Variants in ADAM32 observed in about 807,000 individuals in gnomAD.
ADAM32 encodes the protein ADAM metallopeptidase domain 32, also known as disintegrin and metalloproteinase domain-containing protein 32.
ADAM32 carries 89 observed loss-of-function variants against 114.9 expected under a neutral mutation model. That is an observed-to-expected ratio of 0.77 (90% CI 0.65 to 0.92). The LOEUF is 0.92. ADAM32 is among the 40% of genes least tolerant of loss of function. The pLI is 0.00. For synonymous variants in ADAM32, 285 were observed against 307.5 expected (o/e 0.93, Z 0.77); for missense variants, 870 against 932.8 (o/e 0.93, Z 0.88).
At chr8:39,204,128 AG>A (rs1413200578) in intron 11 of ADAM32, among the ~76,000 whole-genome samples, 3 of 152,122 alleles carry the variant, frequency 2.0e-5, no homozygotes, top group African/African-American at 7.2e-5. Context: ...GCTGTTCTCA[AG>A]GAGTATCTGT....
At position 39,225,024 on chromosome 8, in the gene ADAM32, G is replaced by A. The variant is rs114664142; in HGVS notation, c.1525+1786G>A. On this transcript the variant is annotated intron_variant, in intron 14 of 24. Coordinates refer to ENST00000379907, the MANE Select transcript of ADAM32 (RefSeq NM_145004.7). ...AGTGGCCTCTGCAGAGGACAGAGGC[G>A]TCTTTTATCACTGAGGTAACCAACA... Among the ~76,000 whole-genome samples the A allele has an allele frequency of 3.4e-3, 521 of 152,256 alleles. 5 individuals carry two copies. The highest frequency in any genetic ancestry group is 0.011 in the African/African-American group (461 of 41,550).
intron 11 of ADAM32, among the ~76,000 whole-genome samples, chr8:39,199,713 C>T (rs1412794865): frequency 6.6e-6 from 1 of 151,878 alleles, no homozygotes; most frequent in Non-Finnish European, 1.5e-5. Context: ...TGTTGGTGTG[C>T]TGCACCCATT....
At chr8:39,188,265 G>A (rs1249609119) in intron 11 of ADAM32, among the ~76,000 whole-genome samples, 4 of 151,876 alleles carry the variant, frequency 2.6e-5, no homozygotes, top group Admixed American at 6.6e-5. Flanking sequence ...GTGTATATAT[G>A]TACATATACA....
Position 39,136,678 on chromosome 8 carries a change from C to T in ADAM32, c.160C>T (p.Pro54Ser). 6.5e-7 allele frequency: 1 copy of T among 1,541,860 alleles called. No individual in the cohort carries two copies. The highest frequency in any genetic ancestry group is 2.3e-5 in the East Asian group (1 of 42,704). Residue 54 changes from proline (P) to serine (S), a missense_variant, in exon 3 of 25, where the codon CCA becomes TCA. Transcript: ENST00000379907. ...CTAGGAACAAATATCCTATATTATT[C>T]CAATAGATGAGAAACTGTACACTGT... Reference protein sequence around the residue: ...IEYEQISYIIPIDEKLYTVHL... With the variant: ...IEYEQISYIISIDEKLYTVHL...
chr8:39,256,895 G>T (rs1450087774), intron 18 of ADAM32, among the ~76,000 whole-genome samples: 1 of 151,944 alleles, frequency 6.6e-6, no homozygotes, highest in Non-Finnish European at 1.5e-5. Flanking sequence ...ATCCCACGTT[G>T]TATATCATTG....
intron 10 of ADAM32, among the ~76,000 whole-genome samples, chr8:39,182,825 T>C (rs1021806360): frequency 1.3e-5 from 2 of 152,234 alleles, no homozygotes; most frequent in Non-Finnish European, 2.9e-5. Context: ...GATGTTCACG[T>C]CTTCTAGCTT....
chr8:39,189,839 C>T (rs1806489316), intron 11 of ADAM32, among the ~76,000 whole-genome samples: 1 of 151,976 alleles, frequency 6.6e-6, no homozygotes, highest in South Asian at 2.1e-4. Flanking sequence ...GCTCTGTTGC[C>T]CAGGCTGGAG....
intron 12 of ADAM32, among the ~76,000 whole-genome samples, chr8:39,219,715 G>A (rs1181499340): frequency 6.6e-6 from 1 of 152,178 alleles, no homozygotes; most frequent in Admixed American, 6.5e-5. Context: ...TCATTCAAGA[G>A]CAAGTTGTTT....
intron 19 of ADAM32, among the ~76,000 whole-genome samples, chr8:39,265,405 G>A (rs1452947865): frequency 6.6e-6 from 1 of 152,108 alleles, no homozygotes; most frequent in Non-Finnish European, 1.5e-5. Context: ...AGGTGAGATG[G>A]TCTTTTGAAG....
At chr8:39,117,757 A>C (rs1270301229) in intron 1 of ADAM32, among the ~76,000 whole-genome samples, 1 of 152,174 alleles carries the variant, frequency 6.6e-6, no homozygotes, top group East Asian at 1.9e-4. Flanking sequence ...TTATTCCTGA[A>C]ATACAGTATA....
At chr8:39,185,346 A>AAAAACAC (rs1554609617) in intron 10 of ADAM32, among the ~76,000 whole-genome samples, 2 of 146,492 alleles carry the variant, frequency 1.4e-5, no homozygotes, top group Non-Finnish European at 3.0e-5. Flanking sequence ...AGTCTACAAA[A>AAAAACAC]AAAAAACAAA....
upstream of ADAM32, chr8:39,107,644 C>G: frequency 6.7e-7 from 1 of 1,496,028 alleles, no homozygotes; most frequent in Non-Finnish European, 8.9e-7. Context: ...GAGAGCACCC[C>G]GTCTCCGGGG....
At chr8:39,185,539 C>G (rs571853538) in intron 10 of ADAM32, among the ~76,000 whole-genome samples, 2 of 152,216 alleles carry the variant, frequency 1.3e-5, no homozygotes, top group East Asian at 3.9e-4. Context: ...ATTCCTGAAA[C>G]TCAGCACTTT....
chr8:39,246,246 G>A, intron 17 of ADAM32, 80 bp downstream of exon 17: 1 of 1,315,088 alleles, frequency 7.6e-7, no homozygotes, highest in African/African-American at 1.5e-5. Flanking sequence ...ACATTTTTTG[G>A]GTCACTACCA....
chr8:39,189,919 AT>A (rs1001522943), intron 11 of ADAM32, among the ~76,000 whole-genome samples: 1 of 151,984 alleles, frequency 6.6e-6, no homozygotes, highest in Non-Finnish European at 1.5e-5. Context: ...GGTGCACGCC[AT>A]TCTCCTGCCT....
chr8:39,211,065 T>A, intron 11 of ADAM32, 79 bp from the exon 12 acceptor site: 1 of 1,193,180 alleles, frequency 8.4e-7, no homozygotes. Context: ...GAATTTAACA[T>A]TTTGAAATTA....
intron 18 of ADAM32, among the ~76,000 whole-genome samples, chr8:39,255,081 T>C (rs60701552): frequency 0.14 from 21,475 of 151,928 alleles, 1,677 homozygotes; most frequent in Middle Eastern, 0.25. Flanking sequence ...TAGTATTCCA[T>C]GGTGTATATA....
intron 7 of ADAM32, among the ~76,000 whole-genome samples, chr8:39,162,183 C>T (rs1248338804): frequency 7.7e-6 from 1 of 129,184 alleles, no homozygotes; most frequent in East Asian, 2.3e-4. Flanking sequence ...ACAATAGGCC[C>T]TGGTGTGTGA....
At chr8:39,217,335 G>T (rs937163047) in intron 12 of ADAM32, among the ~76,000 whole-genome samples, 2 of 151,894 alleles carry the variant, frequency 1.3e-5, no homozygotes, top group Admixed American at 1.3e-4. Context: ...ATGCTTTGAG[G>T]TAGTTTTCTT....
Sources: gnomAD v4.1 joint callset for allele counts (sites outside exome capture counted in the v4.1 genomes callset) on GRCh38, gnomAD v4.1.1 for gene constraint, MANE v1.5 for transcripts, NCBI Gene and HGNC (gene_info 2026-07-23, HGNC 2026-07-21) for gene names.